The following SLA variants were observed in gnomAD, a reference collection of about 807,000 sequenced individuals.
SLA encodes the protein src-like-adapter.
A neutral mutation model predicts 30.3 loss-of-function variants in SLA; 16 were observed. The ratio of observed to expected loss-of-function variants is 0.53; its 90% CI spans 0.36 to 0.80. SLA has a LOEUF of 0.80. Ranked by LOEUF, SLA falls within the 30% of genes least tolerant of loss-of-function variation. The pLI is 0.01. For missense variants in SLA, 310 were observed against 345.2 expected (o/e 0.90, Z 0.81); for synonymous variants, 143 against 137.8 (o/e 1.04, Z -0.26).
At chr8:133,067,813 G>GAAAGA (rs1564145176) in intron 2 of SLA, among the ~76,000 whole-genome samples, 1 of 122,668 alleles carries the variant, frequency 8.2e-6, no homozygotes, top group African/African-American at 2.7e-5. Context: ...AGAAAGAAAG[G>GAAAGA]AAGGAAGGAA....
intron 1 of SLA, among the ~76,000 whole-genome samples, chr8:133,078,314 G>T (rs1333393783): frequency 6.6e-6 from 1 of 152,210 alleles, no homozygotes; most frequent in Non-Finnish European, 1.5e-5. Flanking sequence ...GTGGGAGCAT[G>T]TGAGCCACGA....
chr8:133,055,361 GCGCGCACACACACACACACACACACA>G (rs1841220610), intron 3 of SLA, among the ~76,000 whole-genome samples: 2 of 131,658 alleles, frequency 1.5e-5, no homozygotes, highest in African/African-American at 5.2e-5. Flanking sequence ...ACACACGCAC[GCGCGCACACACACACACACACACACA>G]CACACACACA....
At chr8:133,085,150 C>T (rs576988288) in intron 1 of SLA, among the ~76,000 whole-genome samples, 8 of 152,304 alleles carry the variant, frequency 5.3e-5, no homozygotes, top group Admixed American at 3.9e-4. Context: ...GTGATTTAAG[C>T]TTGCAAGTAT....
intron 1 of SLA, chr8:133,076,010 G>A (rs1442535931): frequency 6.6e-6 from 1 of 152,100 alleles, no homozygotes; most frequent in East Asian, 1.9e-4. Context: ...CCTACTTACA[G>A]TACGTGAGTC....
At chr8:133,090,505 T>C (rs1162977535) in intron 1 of SLA, among the ~76,000 whole-genome samples, 1 of 152,348 alleles carries the variant, frequency 6.6e-6, no homozygotes, top group East Asian at 1.9e-4. Flanking sequence ...CTGCTTTGCA[T>C]GTAGAGGCAC....
chr8:133,083,899 C>G lies in SLA; in HGVS notation c.-318-8769G>C, dbSNP rs182644175. 4.2e-3 allele frequency among the ~76,000 whole-genome samples: 634 copies of G among 152,208 alleles called. 6 individuals are homozygous for G. Among genetic ancestry groups the G allele is most frequent in the African/African-American group, 0.015 (608 of 41,522 alleles). Reference sequence around the variant, plus strand: ...TCTGCACCCAGTGGTTCCCAGTTTTCCCCCTGGCTCCCCTCTCTCTGCATG... The same window carrying G: ...TCTGCACCCAGTGGTTCCCAGTTTTGCCCCTGGCTCCCCTCTCTCTGCATG... On this transcript the variant is annotated intron_variant, in intron 1 of 8. Transcript: ENST00000338087.
At chr8:133,102,489 T>C (rs1334341241) in intron 1 of SLA, 64 bp downstream of exon 1, 4 of 1,474,744 alleles carry the variant, frequency 2.7e-6, no homozygotes, top group Non-Finnish European at 3.7e-6. Context: ...CTCCCCCACA[T>C]ACCACCCCAG....
chr8:133,081,881 C>G (rs146098379), intron 1 of SLA, among the ~76,000 whole-genome samples: 1 of 152,296 alleles, frequency 6.6e-6, no homozygotes, highest in East Asian at 1.9e-4. Flanking sequence ...CTGCCTCTGA[C>G]GGATTGTCAC....
intron 1 of SLA, chr8:133,095,265 A>T: frequency 6.2e-7 from 1 of 1,612,620 alleles, no homozygotes; most frequent in Non-Finnish European, 8.5e-7. Context: ...ACAAATAGAA[A>T]ATGAAGACCT....
chr8:133,068,966 T>C (rs767250914), intron 2 of SLA, among the ~76,000 whole-genome samples: 1 of 152,248 alleles, frequency 6.6e-6, no homozygotes, highest in Non-Finnish European at 1.5e-5. Context: ...CTAGATCATA[T>C]AAGCAGGCTG....
chr8:133,065,545 T>C (rs1340103284), intron 2 of SLA, among the ~76,000 whole-genome samples: 1 of 152,136 alleles, frequency 6.6e-6, no homozygotes, highest in Non-Finnish European at 1.5e-5. Flanking sequence ...GTGGATCACG[T>C]CAGGTCAGGA....
chr8:133,040,049 C>G lies in SLA; in HGVS notation c.566G>C (p.Ser189Thr). ...STAAPAVRAS[S>T]SPVTLRQKTV... ...CTTCTGACGCAAGGTGACAGGTGAG[C>G]TGGAGGCCCTCACTGCTGGGGCAGC... The change falls in exon 8 of 9, where the codon AGC becomes ACC. Residue 189 changes from serine (S) to threonine (T), a missense_variant. Coordinates refer to ENST00000338087, the MANE Select transcript of SLA (RefSeq NM_001045556.3). 2.6e-6 allele frequency: 4 copies of G among 1,553,136 alleles called. No individual in the cohort carries two copies. Among genetic ancestry groups the G allele is most frequent in the Middle Eastern group, 1.7e-4 (1 of 5,992 alleles).
chr8:133,070,016 A>C (rs1199673475), intron 2 of SLA, among the ~76,000 whole-genome samples: 2 of 95,666 alleles, frequency 2.1e-5, no homozygotes, highest in African/African-American at 6.7e-5. Context: ...AAAAAAAAAA[A>C]AAAAAAAAAA....
At chr8:133,087,369 A>G (rs1006163995) in intron 1 of SLA, among the ~76,000 whole-genome samples, 2 of 152,160 alleles carry the variant, frequency 1.3e-5, no homozygotes, top group African/African-American at 4.8e-5. Context: ...ATTTGTGCCT[A>G]TCTGTGAAGA....
chr8:133,074,944 G>A lies in SLA; in HGVS notation c.-132C>T, dbSNP rs564630279. On this transcript the variant is annotated 5_prime_UTR_variant, in exon 2 of 9. Transcript: ENST00000338087. Reference sequence around the variant, plus strand: ...GCCTCTCCGTCTGTCAACTGCTGCTGCTCCAGAATAAACAGGCAGCCGGGC... The same window carrying A: ...GCCTCTCCGTCTGTCAACTGCTGCTACTCCAGAATAAACAGGCAGCCGGGC... 1.0e-6 allele frequency: 1 copy of A among 985,526 alleles called. No homozygotes were observed. 61.0% of individuals were successfully genotyped at this position (985,526 alleles called of 1,614,324 possible).
At chr8:133,047,740 G>T in intron 6 of SLA, 90 bp downstream of exon 6, 1 of 798,522 alleles carries the variant, frequency 1.3e-6, no homozygotes. Context: ...GACGTAGGAG[G>T]AAGGAAAATG....
intron 3 of SLA, among the ~76,000 whole-genome samples, chr8:133,052,610 T>C (rs966592090): frequency 2.6e-5 from 4 of 152,240 alleles, no homozygotes; most frequent in African/African-American, 9.6e-5. Flanking sequence ...CCCCAGTAAG[T>C]AGAGGCAGCA....
At chr8:133,095,104 A>T in intron 1 of SLA, 1 of 1,614,166 alleles carries the variant, frequency 6.2e-7, no homozygotes, top group South Asian at 1.1e-5. Flanking sequence ...GCAGCAGGCA[A>T]TTGCTTTGGC....
chr8:133,060,928 T>C (rs1425626636), intron 2 of SLA, among the ~76,000 whole-genome samples: 2 of 152,240 alleles, frequency 1.3e-5, no homozygotes, highest in Non-Finnish European at 2.9e-5. Context: ...GGTTGCTCCA[T>C]AACGGTTTTC....
Sources: allele counts gnomAD v4.1 joint callset (sites outside exome capture counted in the v4.1 genomes callset), GRCh38; gene constraint gnomAD v4.1.1; transcripts MANE v1.5; gene names NCBI Gene and HGNC (gene_info 2026-07-23, HGNC 2026-07-21).